The following RAB37 variants were observed in gnomAD, a reference collection of about 807,000 sequenced individuals.
RAB37 encodes the protein ras-related protein Rab-37.
RAB37 carries 29 observed loss-of-function variants against 33.1 expected under a neutral mutation model. That is an observed-to-expected ratio of 0.88 (90% CI 0.65 to 1.20). The LOEUF (loss-of-function observed/expected upper bound fraction) is 1.20, where lower values mean the gene tolerates loss of function less well. RAB37 is among the 50% of genes most tolerant of loss of function. The pLI is 0.00. For synonymous variants in RAB37, 128 were observed against 119.5 expected, an observed-to-expected ratio of 1.07 and a Z score of -0.47; for missense variants, 299 against 301.1, an observed-to-expected ratio of 0.99 and a Z score of 0.05.
intron 1 of RAB37, chr17:74,698,288 C>T (rs2032701283): frequency 1.0e-6 from 1 of 978,334 alleles, no homozygotes; most frequent in Non-Finnish European, 1.6e-6. Context: ...GTGGGTAATC[C>T]CTTGGACCAG....
rs2034701385 is a variant in RAB37 at position 74,744,449 on chromosome 17, C to T, written c.432+76C>T. 7.2e-7 allele frequency: 1 copy of T among 1,386,640 alleles called. No homozygotes were observed. Among genetic ancestry groups the T allele is most frequent in the South Asian group, 1.2e-5 (1 of 85,974 alleles). 85.9% of individuals were successfully genotyped at this position (1,386,640 alleles called of 1,614,324 possible). ...AGCCGGCCCCATAACCACCCAAGAA[C>T]AGTTATCTAGGCATCCTTCCTGAAA... On this transcript the variant is annotated intron_variant, in intron 6 of 8. Coordinates refer to ENST00000392613, the MANE Select transcript of RAB37 (RefSeq NM_001006638.3). This position sits in a 1 kb window ranked among gnomAD's most constrained non-coding sequence, Gnocchi z 4.2.
intron 1 of RAB37, among the ~76,000 whole-genome samples, chr17:74,724,636 C>T (rs1034505106): frequency 6.6e-6 from 1 of 152,146 alleles, no homozygotes; most frequent in Admixed American, 6.6e-5. Context: ...TTGGTTCTTA[C>T]AGGTTTGGGG....
At position 74,686,957 on chromosome 17, in the gene RAB37, C is replaced by T. The variant is rs983944040; in HGVS notation, c.72+15299C>T. Among the ~76,000 whole-genome samples the T allele has an allele frequency of 2.0e-5, 3 of 152,316 alleles. 1 individual carries two copies. Among genetic ancestry groups the T allele is most frequent in the Middle Eastern group, 6.8e-3 (2 of 294 alleles). On this transcript the variant is annotated intron_variant, in intron 1 of 7. Coordinates refer to the RAB37 transcript ENST00000340415. ...GGCCTGTGACCTGTTGCTTCTTTGTCGTGGAAACCCTCTGCGTCATTGATA... is the reference window on the plus strand; with the variant it reads ...GGCCTGTGACCTGTTGCTTCTTTGTTGTGGAAACCCTCTGCGTCATTGATA...
At chr17:74,672,670 C>T (rs1216570915) in intron 1 of RAB37, 2 of 152,218 alleles carry the variant, frequency 1.3e-5, no homozygotes, top group African/African-American at 4.8e-5. Context: ...CCAGAAATTA[C>T]TACTACACGT....
intron 1 of RAB37, among the ~76,000 whole-genome samples, chr17:74,690,679 C>T (rs1292497737): frequency 2.0e-5 from 3 of 152,142 alleles, no homozygotes; most frequent in Non-Finnish European, 2.9e-5. Flanking sequence ...TTGAGCAAAC[C>T]GGGCTGGATT....
At chr17:74,672,622 G>C (rs2031731617) in intron 1 of RAB37, 1 of 152,160 alleles carries the variant, frequency 6.6e-6, no homozygotes, top group African/African-American at 2.4e-5. Flanking sequence ...ACTTGTCCAA[G>C]AAAGCAAGCT....
intron 1 of RAB37, among the ~76,000 whole-genome samples, chr17:74,693,348 G>A (rs949534348): frequency 6.6e-6 from 1 of 152,226 alleles, no homozygotes; most frequent in African/African-American, 2.4e-5. Context: ...TGGAGTTGGG[G>A]GTGAAGGGGC....
At chr17:74,726,213 C>T (rs2034305063) in intron 1 of RAB37, among the ~76,000 whole-genome samples, 3 of 142,374 alleles carry the variant, frequency 2.1e-5, no homozygotes, top group Non-Finnish European at 3.0e-5. Flanking sequence ...CCAGCCTGGG[C>T]GACAGAGAGA....
In RAB37 at chr17:74,691,993, G is replaced by GTAGC. The variant is rs550421232; in HGVS notation, c.72+20339_72+20342dup. On this transcript the variant is annotated intron_variant, in intron 1 of 7. Coordinates refer to the RAB37 transcript ENST00000340415. ...CCATTCTCCTACCTCGGCCTCCCAAGTAGCTAGGACTACAGGCACCCGCCA... is the reference window on the plus strand; with the variant it reads ...CCATTCTCCTACCTCGGCCTCCCAAGTAGCTAGCTAGGACTACAGGCACCCGCCA... 1.2e-3 allele frequency among the ~76,000 whole-genome samples: 189 copies of GTAGC among 151,440 alleles called. 3 individuals are homozygous for GTAGC. Among genetic ancestry groups the GTAGC allele is most frequent in the Middle Eastern group, 0.01 (3 of 292 alleles).
At chr17:74,716,844 A>C (rs892186766) in intron 1 of RAB37, among the ~76,000 whole-genome samples, 2 of 152,212 alleles carry the variant, frequency 1.3e-5, no homozygotes, top group African/African-American at 4.8e-5. Flanking sequence ...TTTTTAAACA[A>C]ATTTCCTGGC....
chr17:74,727,847 T>A (rs2034324514), intron 1 of RAB37, among the ~76,000 whole-genome samples: 1 of 151,892 alleles, frequency 6.6e-6, no homozygotes, highest in South Asian at 2.1e-4. Flanking sequence ...TGTATGTGTT[T>A]TTATGTGTGT....
chr17:74,700,135 C>G (rs2032904498), intron 1 of RAB37, among the ~76,000 whole-genome samples: 1 of 141,802 alleles, frequency 7.1e-6, no homozygotes, highest in African/African-American at 2.5e-5. Context: ...GAGCAAGACC[C>G]TGTCTCAATA....
At chr17:74,731,985 G>C (rs2034389841) in intron 2 of RAB37, among the ~76,000 whole-genome samples, 1 of 151,910 alleles carries the variant, frequency 6.6e-6, no homozygotes, top group South Asian at 2.1e-4. Flanking sequence ...GCTACAGCCT[G>C]GGCAACAGAG....
At chr17:74,728,814 T>C (rs1365295506) in intron 1 of RAB37, among the ~76,000 whole-genome samples, 7 of 152,044 alleles carry the variant, frequency 4.6e-5, no homozygotes, top group Non-Finnish European at 8.8e-5. Flanking sequence ...CATGTGTACA[T>C]GTGTTTTTCT....
chr17:74,715,572 G>A (rs925602582), intron 1 of RAB37, among the ~76,000 whole-genome samples: 10 of 152,194 alleles, frequency 6.6e-5, no homozygotes, highest in African/African-American at 2.4e-4. Flanking sequence ...TGAAAAACAA[G>A]GGGCAGATGC....
At chr17:74,736,990 G>T, upstream of RAB37, 1 of 1,587,012 alleles carries the variant, frequency 6.3e-7, no homozygotes, top group Non-Finnish European at 8.6e-7. Flanking sequence ...GCGACCACAG[G>T]GGACCGGTCC....
chr17:74,716,871 C>A (rs1194673219), intron 1 of RAB37, among the ~76,000 whole-genome samples: 1 of 152,216 alleles, frequency 6.6e-6, no homozygotes, highest in African/African-American at 2.4e-5. Flanking sequence ...CAGTGGCTCA[C>A]GCCTGTAATC....
chr17:74,719,093 AAG>A (rs2034205794), intron 1 of RAB37, among the ~76,000 whole-genome samples: 1 of 152,224 alleles, frequency 6.6e-6, no homozygotes, highest in Non-Finnish European at 1.5e-5. Flanking sequence ...TTTTATAAAA[AAG>A]AGAGACATGG....
At chr17:74,739,898 C>CGTAA (rs1352531068) in intron 1 of RAB37, among the ~76,000 whole-genome samples, 2 of 151,922 alleles carry the variant, frequency 1.3e-5, no homozygotes, top group African/African-American at 2.4e-5. Flanking sequence ...GGCTCACGCC[C>CGTAA]GTAATCCCAG....
Sources: gnomAD v4.1 joint callset for allele counts (sites outside exome capture counted in the v4.1 genomes callset) on GRCh38, gnomAD v4.1.1 for gene constraint, Gnocchi (gnomAD v3.1) non-coding constraint, MANE v1.5 for transcripts, NCBI Gene and HGNC (gene_info 2026-07-23, HGNC 2026-07-21) for gene names.